Variants in FRMD4B observed in about 807,000 individuals in gnomAD.
The protein encoded by FRMD4B is FERM domain containing 4B.
Under a neutral mutation model 141.5 loss-of-function variants are expected in FRMD4B, and 74 were observed. That is an observed-to-expected ratio of 0.52 (90% CI 0.43 to 0.63). FRMD4B has a LOEUF of 0.63. Among genes scored for constraint, FRMD4B ranks in the 30% least tolerant of loss-of-function variants. The pLI, the probability that FRMD4B is intolerant of heterozygous loss-of-function variation, is 0.00. For missense variants in FRMD4B, 1,366 were observed against 1,253.4 expected (o/e 1.09, Z -1.36); for synonymous variants, 506 against 467.9 (o/e 1.08, Z -1.05).
intron 22 of FRMD4B, among the ~76,000 whole-genome samples, chr3:69,174,106 C>T (rs1292798923): frequency 6.7e-6 from 1 of 149,858 alleles, no homozygotes; most frequent in Non-Finnish European, 1.5e-5. Context: ...CACTGCACTC[C>T]AACTTGGGCA....
At chr3:69,177,358 A>AT (rs1334098979) in intron 21 of FRMD4B, among the ~76,000 whole-genome samples, 2 of 152,186 alleles carry the variant, frequency 1.3e-5, no homozygotes, top group African/African-American at 4.8e-5. Flanking sequence ...AAATAAATAA[A>AT]AATAATTTCA....
intron 22 of FRMD4B, among the ~76,000 whole-genome samples, chr3:69,174,798 G>A (rs2092625240): frequency 6.6e-6 from 1 of 151,976 alleles, no homozygotes; most frequent in South Asian, 2.1e-4. Flanking sequence ...TCAACAAAAA[G>A]GCAAGTAAAA....
intron 1 of FRMD4B, among the ~76,000 whole-genome samples, chr3:69,523,460 C>G (rs1271527824): frequency 6.6e-6 from 1 of 152,126 alleles, no homozygotes; most frequent in East Asian, 1.9e-4. Context: ...AAGCGAGACC[C>G]TCCCTCTTCT....
chr3:69,366,704 C>T (rs1336993023), intron 1 of FRMD4B, among the ~76,000 whole-genome samples: 1 of 146,246 alleles, frequency 6.8e-6, no homozygotes, highest in Non-Finnish European at 1.5e-5. Flanking sequence ...TAAAAGAGCA[C>T]AAACACGACC....
At chr3:69,319,203 T>C (rs1189062906) in intron 1 of FRMD4B, among the ~76,000 whole-genome samples, 1 of 152,230 alleles carries the variant, frequency 6.6e-6, no homozygotes, top group Non-Finnish European at 1.5e-5. Context: ...AGTTATACTC[T>C]GGATCGAAAG....
chr3:69,230,211 C>G (rs1392507315), intron 7 of FRMD4B, among the ~76,000 whole-genome samples: 2 of 151,914 alleles, frequency 1.3e-5, no homozygotes, highest in African/African-American at 4.8e-5. Flanking sequence ...CTCCTGACCT[C>G]GTGATCCACC....
intron 5 of FRMD4B, among the ~76,000 whole-genome samples, chr3:69,274,189 T>C (rs1157850727): frequency 6.6e-6 from 1 of 152,140 alleles, no homozygotes. Context: ...TACTATACAA[T>C]AGCAGTGGTA....
At position 69,216,281 on chromosome 3, in the gene FRMD4B, G is replaced by A. The variant is rs1246915647; in HGVS notation, c.858C>T (p.Asp286=). The part of the protein sequence containing the change: ...YKGIGQYDIQ[D]KVKPRKLFQW... Reference sequence around the variant, plus strand: ...CACTTACCTTCCGAGGCTTCACCTTGTCTTGTATATCATATTGGCCAATTC... The same window carrying A: ...CACTTACCTTCCGAGGCTTCACCTTATCTTGTATATCATATTGGCCAATTC... Residue 286 remains aspartate (D), a synonymous_variant, in exon 11 of 23, where the codon GAC becomes GAT. Transcript: ENST00000398540. 4 of 1,558,580 alleles carry A rather than the reference G, an allele frequency of 2.6e-6. No homozygotes were observed. The South Asian group carries it at 3.5e-5, about 14-fold the overall frequency.
At chr3:69,346,065 A>G (rs1250321417) in intron 1 of FRMD4B, among the ~76,000 whole-genome samples, 1 of 152,142 alleles carries the variant, frequency 6.6e-6, no homozygotes, top group Non-Finnish European at 1.5e-5. Context: ...ACCCATCGCA[A>G]AGAAGCTAAA....
intron 4 of FRMD4B, among the ~76,000 whole-genome samples, chr3:69,289,224 C>G (rs1255158496): frequency 6.6e-6 from 1 of 152,144 alleles, no homozygotes. Context: ...GCTGTATGGC[C>G]TTGGGCAAAT....
intron 1 of FRMD4B, among the ~76,000 whole-genome samples, chr3:69,330,340 C>CTCTTTTTTTT (rs1225031283): frequency 7.0e-5 from 3 of 42,926 alleles, no homozygotes; most frequent in African/African-American, 3.6e-4. Flanking sequence ...ATTCTTTTGC[C>CTCTTTTTTTT]TTTTTTTTTT....
At chr3:69,529,735 C>A (rs1700985724) in intron 1 of FRMD4B, among the ~76,000 whole-genome samples, 1 of 152,176 alleles carries the variant, frequency 6.6e-6, no homozygotes, top group Non-Finnish European at 1.5e-5. Flanking sequence ...TCCTGGGCAC[C>A]CTTCTAAGTA....
chr3:69,345,977 A>G (rs1049504930), intron 1 of FRMD4B, among the ~76,000 whole-genome samples: 4 of 152,178 alleles, frequency 2.6e-5, no homozygotes, highest in African/African-American at 9.7e-5. Flanking sequence ...ACAAAGCTGG[A>G]CAGAGAATGA....
chr3:69,333,856 G>A (rs1373689704), intron 1 of FRMD4B: 1 of 152,190 alleles, frequency 6.6e-6, no homozygotes, highest in Non-Finnish European at 1.5e-5. Context: ...GGGAGAGGGT[G>A]AGGGTAGGTG....
intron 5 of FRMD4B, among the ~76,000 whole-genome samples, chr3:69,262,459 CTTTTTTTT>C (rs71618271): frequency 3.8e-4 from 33 of 86,820 alleles, no homozygotes; most frequent in African/African-American, 1.3e-3. Flanking sequence ...ACACAAATGA[CTTTTTTTT>C]TTTTTTTTTT....
intron 7 of FRMD4B, among the ~76,000 whole-genome samples, chr3:69,248,879 A>C (rs1341373260): frequency 6.6e-6 from 1 of 152,132 alleles, no homozygotes; most frequent in Middle Eastern, 3.2e-3. Flanking sequence ...ATACATTATA[A>C]CTCTTCGAAC....
rs936872599 is a variant in FRMD4B at position 69,364,730 on chromosome 3, C to G, written c.162+21098G>C. On this transcript the variant is annotated intron_variant, in intron 1 of 22. Coordinates refer to ENST00000398540, the MANE Select transcript of FRMD4B (RefSeq NM_015123.3). The stretch of plus-strand genomic sequence containing the variant: ...GAAATCTCATCGAGACAATTCGACT[C>G]TGGTTAAATTATATTTAAGTTAATA... Among the ~76,000 whole-genome samples the G allele has an allele frequency of 4.6e-5, 7 of 152,208 alleles. No individual in the cohort carries two copies. The East Asian group carries it at 1.2e-3, about 25-fold the overall frequency.
intron 1 of FRMD4B, among the ~76,000 whole-genome samples, chr3:69,452,316 T>C (rs1330168625): frequency 1.3e-5 from 2 of 152,066 alleles, no homozygotes; most frequent in African/African-American, 4.8e-5. Context: ...TGGGCAGAGG[T>C]GAAGGATCAA....
At chr3:69,235,605 G>T (rs1278388516) in intron 7 of FRMD4B, among the ~76,000 whole-genome samples, 1 of 151,718 alleles carries the variant, frequency 6.6e-6, no homozygotes, top group Admixed American at 6.6e-5. Context: ...GTTGCAGTGA[G>T]CCCAGACCAT....
Sources: allele counts gnomAD v4.1 joint callset (sites outside exome capture counted in the v4.1 genomes callset), GRCh38; gene constraint gnomAD v4.1.1; transcripts MANE v1.5; gene names NCBI Gene and HGNC (gene_info 2026-07-23, HGNC 2026-07-21).